DYNC1I1: variants seen among roughly 807,000 people sequenced by gnomAD.
DYNC1I1 encodes the protein cytoplasmic dynein 1 intermediate chain 1.
DYNC1I1 carries 43 observed loss-of-function variants against 86.6 expected under a neutral mutation model. That is an observed-to-expected ratio of 0.50 (90% CI 0.39 to 0.64). The LOEUF (loss-of-function observed/expected upper bound fraction) is 0.64. DYNC1I1 is among the 30% of genes least tolerant of loss of function. The pLI is 0.00. For missense variants in DYNC1I1, 604 were observed against 788.8 expected (o/e 0.77, Z 2.81); for synonymous variants, 262 against 283.7 (o/e 0.92, Z 0.77).
chr7:96,079,266 G>A (rs1243792497), intron 15 of DYNC1I1, among the ~76,000 whole-genome samples: 1 of 152,094 alleles, frequency 6.6e-6, no homozygotes, highest in Non-Finnish European at 1.5e-5. Flanking sequence ...ATTCTAATGC[G>A]ACATGTTTAT....
chr7:95,786,508 T>G (rs1419728006), intron 1 of DYNC1I1, among the ~76,000 whole-genome samples: 1 of 152,184 alleles, frequency 6.6e-6, no homozygotes, highest in African/African-American at 2.4e-5. Context: ...TCTATGTTGA[T>G]CATTTGTGTA....
intron 16 of DYNC1I1, among the ~76,000 whole-genome samples, chr7:96,089,156 A>T (rs1300007070): frequency 4.1e-4 from 1 of 2,450 alleles, no homozygotes; most frequent in Non-Finnish European, 7.6e-4. Context: ...AGTATGATTT[A>T]AAAAAAAAAA....
intron 14 of DYNC1I1, among the ~76,000 whole-genome samples, chr7:96,041,754 A>G (rs1789059078): frequency 6.6e-6 from 1 of 152,168 alleles, no homozygotes. Flanking sequence ...ATCATTGTTT[A>G]TAATTATATA....
intron 1 of DYNC1I1, chr7:95,804,278 C>A: frequency 1.2e-6 from 1 of 859,018 alleles, no homozygotes; most frequent in Non-Finnish European, 1.5e-6. Context: ...GAAATTTGAG[C>A]AGGGCATATC....
At chr7:96,109,482 T>C (rs1011216528) in intron 16 of DYNC1I1, among the ~76,000 whole-genome samples, 4 of 151,986 alleles carry the variant, frequency 2.6e-5, no homozygotes, top group Non-Finnish European at 4.4e-5. Context: ...AATTAGACAA[T>C]TGATTTGAGA....
intron 1 of DYNC1I1, among the ~76,000 whole-genome samples, chr7:95,798,378 C>T (rs1016112681): frequency 1.3e-5 from 2 of 151,732 alleles, no homozygotes; most frequent in Non-Finnish European, 2.9e-5. Context: ...TCACGGTGGT[C>T]GTCTGTATCA....
chr7:96,054,138 C>A (rs1017434864), intron 14 of DYNC1I1, among the ~76,000 whole-genome samples: 2 of 152,136 alleles, frequency 1.3e-5, no homozygotes, highest in South Asian at 4.2e-4. Flanking sequence ...CCTCCCCTAG[C>A]CCCTCACCCC....
chr7:95,986,928 A>G, intron 8 of DYNC1I1, 128 bp from the exon 9 acceptor site: 1 of 755,072 alleles, frequency 1.3e-6, no homozygotes, highest in Non-Finnish European at 2.3e-6. Flanking sequence ...TGATCAGGGT[A>G]TGTAGTCTAG....
chr7:96,075,993 G>T (rs1043478435), intron 14 of DYNC1I1, 64 bp from the exon 15 acceptor site: 1 of 1,558,154 alleles, frequency 6.4e-7, no homozygotes, highest in Non-Finnish European at 8.7e-7. Flanking sequence ...TTTTAATTAG[G>T]CTCTCTAGAC....
intron 14 of DYNC1I1, among the ~76,000 whole-genome samples, chr7:96,042,861 A>T (rs1422188690): frequency 6.6e-6 from 1 of 152,148 alleles, no homozygotes; most frequent in Non-Finnish European, 1.5e-5. Context: ...AATTCCAGCT[A>T]ATATAGGAAT....
intron 14 of DYNC1I1, among the ~76,000 whole-genome samples, chr7:96,043,264 A>T (rs146648602): frequency 0.011 from 1,611 of 152,246 alleles, 32 homozygotes; most frequent in African/African-American, 0.036. Context: ...ATTATTGCTG[A>T]TAATATTGTA....
intron 6 of DYNC1I1, among the ~76,000 whole-genome samples, chr7:95,921,980 ATTG>A (rs1270159976): frequency 6.6e-6 from 1 of 152,212 alleles, no homozygotes; most frequent in Non-Finnish European, 1.5e-5. Context: ...AAGAATTTAA[ATTG>A]TTAACTAGAA....
At chr7:95,774,089 CAT>C (rs1219159171) in intron 1 of DYNC1I1, among the ~76,000 whole-genome samples, 1 of 152,234 alleles carries the variant, frequency 6.6e-6, no homozygotes, top group East Asian at 1.9e-4. Context: ...TGAGTTACCA[CAT>C]GTTCTCTTCA....
chr7:95,837,501 T>A (rs1789135637), intron 5 of DYNC1I1: 1 of 152,650 alleles, frequency 6.6e-6, no homozygotes, highest in Admixed American at 6.5e-5. Context: ...TCCACCCAGT[T>A]CGAGCTTCCC....
At chr7:96,039,149 T>TTGG (rs1788958122) in intron 13 of DYNC1I1, 128 bp from the exon 14 acceptor site, 1 of 966,890 alleles carries the variant, frequency 1.0e-6, no homozygotes, top group Admixed American at 2.8e-5. Flanking sequence ...TGATTTCATT[T>TTGG]TGGTGGTGTG....
intron 5 of DYNC1I1, among the ~76,000 whole-genome samples, chr7:95,829,842 C>A (rs749755772): frequency 9.2e-5 from 14 of 151,950 alleles, no homozygotes; most frequent in Non-Finnish European, 1.6e-4. Context: ...AACCGATATA[C>A]CCCAAACTAG....
At chr7:96,072,809 A>G (rs1411935846) in intron 14 of DYNC1I1, among the ~76,000 whole-genome samples, 1 of 152,222 alleles carries the variant, frequency 6.6e-6, no homozygotes, top group Non-Finnish European at 1.5e-5. Context: ...ACATGAGTTT[A>G]TGATATACAT....
chr7:95,786,224 C>T (rs767216638), intron 1 of DYNC1I1, among the ~76,000 whole-genome samples: 2 of 152,106 alleles, frequency 1.3e-5, no homozygotes, highest in East Asian at 3.9e-4. Flanking sequence ...CGCCCTGCCA[C>T]CTCAAACCCA....
intron 1 of DYNC1I1, among the ~76,000 whole-genome samples, chr7:95,800,723 A>G (rs1253852594): frequency 2.6e-5 from 4 of 152,224 alleles, no homozygotes; most frequent in Admixed American, 6.5e-5. Flanking sequence ...ATCCCTTGCC[A>G]TTTGTAAATG....
Sources: gnomAD v4.1 joint callset for allele counts (sites outside exome capture counted in the v4.1 genomes callset) on GRCh38, gnomAD v4.1.1 for gene constraint, MANE v1.5 for transcripts, NCBI Gene and HGNC (gene_info 2026-07-23, HGNC 2026-07-21) for gene names.